Variants in RBM39 observed in about 807,000 individuals in gnomAD.
RBM39 encodes RNA-binding protein 39.
A neutral mutation model predicts 79.6 loss-of-function variants in RBM39; 12 were observed. That is an observed-to-expected ratio of 0.15 (90% CI 0.10 to 0.24). The LOEUF is 0.24. Ranked by LOEUF, RBM39 falls within the 10% of genes least tolerant of loss-of-function variation. RBM39 has a pLI of 1.00. For missense variants in RBM39, 243 were observed against 653.4 expected (o/e 0.37, Z 6.85); for synonymous variants, 185 against 208.4 (o/e 0.89, Z 0.97).
At chr20:35,738,060 G>A (rs539572734) in intron 3 of RBM39, among the ~76,000 whole-genome samples, 77 of 151,950 alleles carry the variant, frequency 5.1e-4, no homozygotes, top group African/African-American at 1.9e-3. Flanking sequence ...GGAGGCTGAG[G>A]CAGGGGAATC....
At chr20:35,708,417 G>A (rs1198412830) in intron 13 of RBM39, among the ~76,000 whole-genome samples, 1 of 151,974 alleles carries the variant, frequency 6.6e-6, no homozygotes, top group African/African-American at 2.4e-5. Context: ...TTAAGAAAAC[G>A]TACTATACAA....
rs1600346490 is a variant in RBM39, at chr20:35,703,316, A to G, written c.*1165T>C. ...TTAAGTATGTATTGTAAATGGTGAA[A>G]ATTTCTTCATAAATATGCCCAGACA... On this transcript the variant is annotated 3_prime_UTR_variant, in exon 17 of 17. Transcript: ENST00000253363. 6.6e-6 allele frequency: 1 copy of G among 152,142 alleles called. No homozygotes were observed. The highest frequency in any genetic ancestry group is 1.9e-4 in the East Asian group (1 of 5,198). 9.4% of individuals were successfully genotyped at this position (152,142 alleles called of 1,614,324 possible).
chr20:35,734,206 A>G, intron 3 of RBM39: 1 of 1,303,610 alleles, frequency 7.7e-7, no homozygotes, highest in Non-Finnish European at 1.0e-6. Context: ...CTTGAAACCC[A>G]CACTCCAATC....
intron 14 of RBM39, among the ~76,000 whole-genome samples, chr20:35,706,113 C>T (rs755677527): frequency 9.2e-5 from 14 of 152,136 alleles, no homozygotes; most frequent in Non-Finnish European, 2.1e-4. Context: ...CTGAAGCGAG[C>T]AGATCACTTA....
chr20:35,709,011 A>G (rs1224404881), intron 13 of RBM39: 1 of 442,628 alleles, frequency 2.3e-6, no homozygotes, highest in African/African-American at 2.0e-5. Flanking sequence ...CAAAAAAAAA[A>G]ATTGTTATTT....
intron 11 of RBM39, 110 bp from the exon 12 acceptor site, chr20:35,713,206 G>A: frequency 2.3e-6 from 2 of 879,168 alleles, no homozygotes; most frequent in South Asian, 1.8e-5. Context: ...AAGGAGGGCC[G>A]AGTGTGGTGG....
chr20:35,705,413 T>C, intron 14 of RBM39, 83 bp from the exon 15 acceptor site: 1 of 775,596 alleles, frequency 1.3e-6, no homozygotes, highest in South Asian at 1.8e-5. Flanking sequence ...AATTTAAATA[T>C]TCTATGAATT....
rs770611183 is a variant in RBM39 at position 35,732,102 on chromosome 20, A to G, written c.135T>C (p.His45=). ...CCTTACTTTTGCTTCTCTTTCGTTCATGACTACGACTTCTGCTCTTGCTTT... is the reference window on the plus strand; with the variant it reads ...CCTTACTTTTGCTTCTCTTTCGTTCGTGACTACGACTTCTGCTCTTGCTTT... ...RKKSKSRSRS[H]ERKRSKSKER... The change falls in exon 4 of 17, where the codon CAT becomes CAC. Residue 45 remains histidine, a synonymous_variant. Transcript: ENST00000253363. 9.3e-6 allele frequency: 15 copies of G among 1,613,712 alleles called. No individual in the cohort carries two copies. Among genetic ancestry groups the G allele is most frequent in the Non-Finnish European group, 1.3e-5 (15 of 1,179,972 alleles).
At chr20:35,736,406 T>G (rs2039908414) in intron 3 of RBM39, 4 of 310,140 alleles carry the variant, frequency 1.3e-5, no homozygotes, top group South Asian at 1.2e-4. Flanking sequence ...TTTAATCCAT[T>G]ACCACATTAT....
In RBM39 at chr20:35,742,187, C is replaced by T. The variant is rs1159899289; in HGVS notation, c.-260G>A. Reference sequence around the variant, plus strand: ...GCGGCTTCGGCAGCTCAGGATCCACCCCTGCGACAGCGTCGACAAGCTCCC... The same window carrying T: ...GCGGCTTCGGCAGCTCAGGATCCACTCCTGCGACAGCGTCGACAAGCTCCC... On this transcript the variant is annotated 5_prime_UTR_variant, in exon 1 of 17. Transcript: ENST00000253363. 6.3e-6 allele frequency: 1 copy of T among 158,744 alleles called. No homozygotes were observed. Among genetic ancestry groups the T allele is most frequent in the East Asian group, 1.9e-4 (1 of 5,228 alleles). 9.8% of individuals were successfully genotyped at this position (158,744 alleles called of 1,614,324 possible). A position where few individuals can be genotyped will look rare whatever the true frequency, so the allele number is the denominator to read the frequency against.
Position 35,724,736 on chromosome 20 carries a change from A to G in RBM39, c.535-14T>C, listed in dbSNP as rs11696947. The G allele has an allele frequency of 0.1, 168,376 of 1,611,714 alleles. 9,154 individuals carry two copies. The highest frequency in any genetic ancestry group is 0.16 in the South Asian group (14,111 of 90,910). ...CACATCTCGAACCTAGAAAGAAAACACAGTTGTTTGTGCAAACATCCATTG... is the reference window on the plus strand; with the variant it reads ...CACATCTCGAACCTAGAAAGAAAACGCAGTTGTTTGTGCAAACATCCATTG... On this transcript the variant is annotated splice_polypyrimidine_tract_variant and intron_variant, in intron 7 of 16. Transcript: ENST00000253363.
intron 12 of RBM39, among the ~76,000 whole-genome samples, chr20:35,712,416 G>A (rs1436844082): frequency 9.4e-6 from 1 of 106,800 alleles, no homozygotes; most frequent in Non-Finnish European, 1.7e-5. Context: ...CTGGGCAACA[G>A]AGCAAGTCTA....
chr20:35,713,666 C>CAAAAAAAAAAAAAAAAAAAAAAA (rs56909848), intron 11 of RBM39: 10 of 34,720 alleles, frequency 2.9e-4, no homozygotes, highest in Non-Finnish European at 3.5e-4. Context: ...CCAACCAACA[C>CAAAAAAAAAAAAAAAAAAAAAAA]AAAAAAAAAA....
At chr20:35,733,114 C>CT (rs1375706827) in intron 3 of RBM39, among the ~76,000 whole-genome samples, 2 of 151,494 alleles carry the variant, frequency 1.3e-5, no homozygotes, top group Non-Finnish European at 2.9e-5. Context: ...ACCAGCCCGG[C>CT]CAACACGGTG....
At chr20:35,723,619 G>GC (rs2146617946) in intron 8 of RBM39, among the ~76,000 whole-genome samples, 1 of 152,226 alleles carries the variant, frequency 6.6e-6, no homozygotes, top group South Asian at 2.1e-4. Flanking sequence ...TTGCATTTTA[G>GC]TAGAGACAAG....
chr20:35,740,864 T>A lies in RBM39; in HGVS notation c.11A>T (p.Asp4Val). 6.2e-7 allele frequency: 1 copy of A among 1,612,016 alleles called. No homozygotes were observed. Among genetic ancestry groups the A allele is most frequent in the Non-Finnish European group, 8.5e-7 (1 of 1,179,094 alleles). The change falls in exon 2 of 17, where the codon GAT (aspartate) becomes GTT (valine). Residue 4 changes from aspartate to valine, a missense_variant. By Grantham distance (152) the Asp-to-Val change is radical. Coordinates refer to ENST00000253363, the MANE Select transcript of RBM39 (RefSeq NM_184234.3). The part of the protein sequence containing the change: MAD[D>V]IDIEAMLEAP... Reference sequence around the variant, plus strand: ...CTCAAGCATTGCTTCAATATCAATATCGTCTGCCATTTTCTCTAAACGCCT... The same window carrying A: ...CTCAAGCATTGCTTCAATATCAATAACGTCTGCCATTTTCTCTAAACGCCT...
rs561354560 is a variant in RBM39 at position 35,702,737 on chromosome 20, A to G, written c.*1744T>C. 1 of 152,416 alleles carries G rather than the reference A, an allele frequency of 6.6e-6. No homozygotes were observed. Among genetic ancestry groups the G allele is most frequent in the African/African-American group, 2.4e-5 (1 of 41,580 alleles). 9.4% of individuals were successfully genotyped at this position (152,416 alleles called of 1,614,324 possible). ...GATCACTTGAGGTCAGTGTGAGACC[A>G]GCCGGGCTAACACCGTCTCTGCTAA... is the stretch of plus-strand genomic sequence containing the variant. On this transcript the variant is annotated 3_prime_UTR_variant, in exon 17 of 17. Transcript: ENST00000253363.
chr20:35,706,999 C>G, intron 14 of RBM39, 121 bp downstream of exon 14: 1 of 482,556 alleles, frequency 2.1e-6, no homozygotes. Flanking sequence ...TGCACTCCAG[C>G]CTAGACAACA....
chr20:35,725,248 C>CAG (rs1379089855), intron 6 of RBM39, 93 bp from the exon 7 acceptor site: 1 of 880,926 alleles, frequency 1.1e-6, no homozygotes, highest in East Asian at 2.7e-5. Context: ...AACAGGTTTT[C>CAG]AGGTACAGGT....
Sources: allele counts gnomAD v4.1 joint callset (sites outside exome capture counted in the v4.1 genomes callset), GRCh38; gene constraint gnomAD v4.1.1; transcripts MANE v1.5; gene names NCBI Gene and HGNC (gene_info 2026-07-23, HGNC 2026-07-21).